PTPRD: variants seen among roughly 807,000 people sequenced by gnomAD.
PTPRD encodes the protein protein tyrosine phosphatase receptor type D, also known as receptor-type tyrosine-protein phosphatase delta.
PTPRD carries 34 observed loss-of-function variants against 214.5 expected under a neutral mutation model. The observed-to-expected ratio is 0.16, with a 90% CI of 0.12 to 0.21. PTPRD has a LOEUF of 0.21. Among genes scored for constraint, PTPRD ranks in the 10% least tolerant of loss-of-function variants. The pLI is 1.00. For synonymous variants in PTPRD, 1,128 were observed against 845.7 expected (o/e 1.33, Z -5.79); for missense variants, 2,545 against 2,398.7 (o/e 1.06, Z -1.27).
At chr9:8,396,083 G>C (rs2091075553) in intron 36 of PTPRD, among the ~76,000 whole-genome samples, 1 of 152,040 alleles carries the variant, frequency 6.6e-6, no homozygotes, top group Non-Finnish European at 1.5e-5. Flanking sequence ...TCAAGCATGA[G>C]ACATGACTAC....
rs1163510444 is a variant in PTPRD, at chr9:8,353,882, GTGTATATA to G, written c.4662-11912_4662-11905del. Among the ~76,000 whole-genome samples the G allele has an allele frequency of 2.1e-4, 30 of 140,372 alleles. 1 individual carries two copies. The highest frequency in any genetic ancestry group is 6.0e-4 in the East Asian group (3 of 5,012). The allele number at this position is 140,372 out of a possible 152,430, so 92.1% of individuals were successfully genotyped here. A position where few individuals can be genotyped will look rare whatever the true frequency, so the allele number is the denominator to read the frequency against. On this transcript the variant is annotated intron_variant, in intron 39 of 45. Transcript: ENST00000381196. Reference sequence around the variant, plus strand: ...TGTATATATGTATATATGTATATATGTGTATATATGTATATATGTATATATGTGTATAT... The same window carrying G: ...TGTATATATGTATATATGTATATATGTGTATATATGTATATATGTGTATAT...
At chr9:10,482,121 C>A (rs557748223) in intron 2 of PTPRD, among the ~76,000 whole-genome samples, 3 of 152,220 alleles carry the variant, frequency 2.0e-5, no homozygotes, top group African/African-American at 7.2e-5. Context: ...CCTGTAATCC[C>A]AGCATTTTGG....
At chr9:10,386,663 A>C (rs1323482) in intron 2 of PTPRD, among the ~76,000 whole-genome samples, 1 of 2,694 alleles carries the variant, frequency 3.7e-4, no homozygotes, top group African/African-American at 3.8e-3. Context: ...GACCAAAAAA[A>C]CAAAACAAAA....
At chr9:8,600,880 A>C (rs2094815718) in intron 14 of PTPRD, among the ~76,000 whole-genome samples, 1 of 152,022 alleles carries the variant, frequency 6.6e-6, no homozygotes, top group South Asian at 2.1e-4. Context: ...TGAGAAAAGC[A>C]GAGGGAAAAA....
At chr9:8,535,139 T>C (rs1426611173) in intron 14 of PTPRD, among the ~76,000 whole-genome samples, 2 of 151,920 alleles carry the variant, frequency 1.3e-5, no homozygotes, top group African/African-American at 4.8e-5. Context: ...ATGTGCCTAG[T>C]GCTGCCTGGC....
chr9:9,314,838 AT>A lies in PTPRD; in HGVS notation c.-203+82610del, dbSNP rs983052929. Reference sequence around the variant, plus strand: ...TTATTTATTTTTATATATGTTTGAAATAAGCTGATGAAATACCATAGGCACA... The same window carrying A: ...TTATTTATTTTTATATATGTTTGAAAAAGCTGATGAAATACCATAGGCACA... On this transcript the variant is annotated intron_variant, in intron 9 of 45. Transcript: ENST00000381196. 5.1e-4 allele frequency among the ~76,000 whole-genome samples: 77 copies of A among 152,170 alleles called. 1 individual carries two copies. Among genetic ancestry groups the A allele is most frequent in the African/African-American group, 1.8e-3 (76 of 41,558 alleles).
rs34882181 is a variant in PTPRD, at chr9:9,436,889, C to CAA, written c.-236-39409_-236-39408dup. ...TATATACCAAACAAAGTTACTAAGG[C>CAA]AAAAAAAAAAAGCCTGTCTACGATA... On this transcript the variant is annotated intron_variant, in intron 8 of 45. Transcript: ENST00000381196. 1.8e-3 allele frequency among the ~76,000 whole-genome samples: 265 copies of CAA among 144,016 alleles called. 1 individual carries two copies. Among genetic ancestry groups the CAA allele is most frequent in the South Asian group, 0.01 (47 of 4,530 alleles). The allele number at this position is 144,016 out of a possible 152,430, so 94.5% of individuals were successfully genotyped here.
Position 9,039,586 on chromosome 9 carries a change from GAC to G in PTPRD, c.-142-20853_-142-20852del, listed in dbSNP as rs143108332. Among the ~76,000 whole-genome samples the G allele has an allele frequency of 9.0e-3, 1,363 of 152,256 alleles. 13 individuals are homozygous for G. The highest frequency in any genetic ancestry group is 0.024 in the Middle Eastern group (7 of 294). ...ACCTTTCTGCTACAAGAGTTGATCAGACACAGTTGTAATAGAAACTGCCTGGT... is the reference window on the plus strand; with the variant it reads ...ACCTTTCTGCTACAAGAGTTGATCAGACAGTTGTAATAGAAACTGCCTGGT... On this transcript the variant is annotated intron_variant, in intron 10 of 45. Transcript: ENST00000381196.
In PTPRD at chr9:10,316,764, G is replaced by T. The variant is rs144712709; in HGVS notation, c.-545+24199C>A. The stretch of plus-strand genomic sequence containing the variant: ...TAAGAGATTATTCTAATCTAAAAAA[G>T]ATTTTTTAGATTAAGATTTTAGCAT... On this transcript the variant is annotated intron_variant, in intron 3 of 45. Coordinates refer to ENST00000381196, the MANE Select transcript of PTPRD (RefSeq NM_002839.4). 1.5e-3 allele frequency among the ~76,000 whole-genome samples: 235 copies of T among 151,924 alleles called. 4 individuals are homozygous for T. The highest frequency in any genetic ancestry group is 5.3e-3 in the African/African-American group (219 of 41,510).
intron 11 of PTPRD, among the ~76,000 whole-genome samples, chr9:8,879,833 C>T (rs893147066): frequency 1.3e-5 from 2 of 152,110 alleles, no homozygotes; most frequent in Admixed American, 1.3e-4. Flanking sequence ...TCCAGTCATC[C>T]ATTTCCTGAG....
At chr9:9,981,155 C>T (rs1242576355) in intron 4 of PTPRD, among the ~76,000 whole-genome samples, 1 of 152,064 alleles carries the variant, frequency 6.6e-6, no homozygotes, top group Non-Finnish European at 1.5e-5. Flanking sequence ...TACAATTTTA[C>T]TTATTGGCAT....
chr9:9,084,761 G>C (rs1569535126), intron 10 of PTPRD, among the ~76,000 whole-genome samples: 1 of 152,084 alleles, frequency 6.6e-6, no homozygotes, highest in Non-Finnish European at 1.5e-5. Flanking sequence ...ACACTTGAAA[G>C]AGGAAGAGTA....
In PTPRD at chr9:8,315,212, C is replaced by T; in HGVS notation, c.*2662G>A. On this transcript the variant is annotated 3_prime_UTR_variant, in exon 46 of 46. Transcript: ENST00000381196. ...ATCAATGACAGTAAGGGAGTTAGTT[C>T]TAGGAACAGCTCCTGAACAGTAAGA... 1 of 232,706 alleles carries T rather than the reference C, an allele frequency of 4.3e-6. No homozygotes were observed. The highest frequency in any genetic ancestry group is 8.5e-6 in the Non-Finnish European group (1 of 117,390). 14.4% of individuals were successfully genotyped at this position (232,706 alleles called of 1,614,324 possible).
At chr9:9,937,962 T>A (rs1233090766) in intron 5 of PTPRD, among the ~76,000 whole-genome samples, 1 of 152,188 alleles carries the variant, frequency 6.6e-6, no homozygotes, top group Non-Finnish European at 1.5e-5. Context: ...ATAACTGGAA[T>A]TGGAGGCAGA....
chr9:8,801,931 G>C (rs1378618682), intron 11 of PTPRD, among the ~76,000 whole-genome samples: 2 of 152,076 alleles, frequency 1.3e-5, no homozygotes, highest in African/African-American at 2.4e-5. Context: ...GGGAGGAGAT[G>C]GGAGAGGAGG....
At chr9:8,555,514 T>C (rs1460431706) in intron 14 of PTPRD, among the ~76,000 whole-genome samples, 1 of 152,266 alleles carries the variant, frequency 6.6e-6, no homozygotes, top group Non-Finnish European at 1.5e-5. Flanking sequence ...TCCATGTGTA[T>C]TTCCCCATGG....
chr9:9,345,684 C>G (rs1409444797), intron 9 of PTPRD, among the ~76,000 whole-genome samples: 2 of 152,064 alleles, frequency 1.3e-5, no homozygotes, highest in African/African-American at 4.8e-5. Context: ...TATCTAGATG[C>G]AAATCCTGAT....
chr9:9,568,625 G>A (rs190112337), intron 8 of PTPRD, among the ~76,000 whole-genome samples: 2 of 152,004 alleles, frequency 1.3e-5, no homozygotes, highest in Admixed American at 6.6e-5. Flanking sequence ...GGATTTATAG[G>A]TTTTCCTACA....
chr9:8,645,114 T>C (rs1195015646), intron 12 of PTPRD, among the ~76,000 whole-genome samples: 1 of 152,262 alleles, frequency 6.6e-6, no homozygotes, highest in Non-Finnish European at 1.5e-5. Context: ...ATAAAATGTA[T>C]ACTGATTGTC....
Sources: gnomAD v4.1 joint callset for allele counts (sites outside exome capture counted in the v4.1 genomes callset) on GRCh38, gnomAD v4.1.1 for gene constraint, MANE v1.5 for transcripts, NCBI Gene and HGNC (gene_info 2026-07-23, HGNC 2026-07-21) for gene names.